TMEM178B: variants seen among roughly 807,000 people sequenced by gnomAD.
The protein encoded by TMEM178B is transmembrane protein 178B.
A neutral mutation model predicts 31.0 loss-of-function variants in TMEM178B; 5 were observed. The ratio of observed to expected loss-of-function variants is 0.16; its 90% CI spans 0.08 to 0.34. TMEM178B has a LOEUF of 0.34. Ranked by LOEUF, TMEM178B falls within the 10% of genes least tolerant of loss-of-function variation. The probability of loss-of-function intolerance (pLI) is 1.00; values close to 1 mark genes in which losing one functional copy is unlikely to be tolerated. For synonymous variants in TMEM178B, 164 were observed against 164.0 expected (o/e 1.00, Z 0.00); for missense variants, 275 against 400.3 (o/e 0.69, Z 2.67).
the TMEM178B span, among the ~76,000 whole-genome samples, chr7:141,486,197 A>G: frequency 6.6e-6 from 1 of 152,196 alleles, no homozygotes; most frequent in Non-Finnish European, 1.5e-5. Context: ...GAGTTAAATA[A>G]TGTGTACACA....
At chr7:141,187,487 T>G (rs1375847382) in intron 1 of TMEM178B, among the ~76,000 whole-genome samples, 2 of 152,162 alleles carry the variant, frequency 1.3e-5, no homozygotes, top group Admixed American at 6.6e-5. Context: ...AAATGGTATT[T>G]CTAGTTCTAG....
chr7:141,292,931 C>T (rs1260310648), intron 2 of TMEM178B, among the ~76,000 whole-genome samples: 3 of 152,112 alleles, frequency 2.0e-5, no homozygotes, highest in Non-Finnish European at 4.4e-5. Flanking sequence ...AGCCACCGCA[C>T]CCGGCCAGAT....
chr7:141,377,672 TA>T (rs1001250115), intron 2 of TMEM178B, among the ~76,000 whole-genome samples: 1 of 151,298 alleles, frequency 6.6e-6, no homozygotes, highest in Non-Finnish European at 1.5e-5. Context: ...AACTCCATCT[TA>T]AAAAAAGAAA....
chr7:141,212,680 C>T lies in TMEM178B; in HGVS notation c.472C>T (p.Arg158Cys), dbSNP rs1160173398. The change falls in exon 2 of 4, where the codon CGT becomes TGT. Residue 158 changes from arginine to cysteine, a missense_variant. Arg to Cys is a radical substitution (Grantham distance 180). Coordinates refer to ENST00000565468, the MANE Select transcript of TMEM178B (RefSeq NM_001195278.2). The part of the protein sequence containing the change: ...NLTFNITKTI[R>C]QDEWHALHLR... ...CACTTTCAATATCACGAAGACCATC[C>T]GTCAGGATGAGTGGCATGCCCTACG... The T allele has an allele frequency of 8.5e-6, 13 of 1,535,956 alleles. No homozygotes were observed. The highest frequency in any genetic ancestry group is 1.4e-5 in the African/African-American group (1 of 73,006).
intron 2 of TMEM178B, among the ~76,000 whole-genome samples, chr7:141,306,380 T>G (rs1299430025): frequency 2.0e-5 from 3 of 152,178 alleles, no homozygotes; most frequent in Admixed American, 1.3e-4. Context: ...TGTGGCTGTG[T>G]TAATAATGCA....
intron 2 of TMEM178B, among the ~76,000 whole-genome samples, chr7:141,347,916 C>T (rs550543009): frequency 1.2e-3 from 179 of 152,298 alleles, no homozygotes; most frequent in African/African-American, 4.2e-3. Flanking sequence ...CAGTAGTTAC[C>T]TAGGAGAGAT....
intron 2 of TMEM178B, among the ~76,000 whole-genome samples, chr7:141,303,245 T>C (rs6948396): frequency 0.41 from 62,800 of 151,900 alleles, 13,328 homozygotes; most frequent in East Asian, 0.62. Flanking sequence ...TTCTGTGGGA[T>C]TGGAAATGTG....
the TMEM178B span, among the ~76,000 whole-genome samples, chr7:141,501,847 GCTCTCTCTCTCTCT>G: frequency 6.7e-6 from 1 of 148,760 alleles, no homozygotes; most frequent in Admixed American, 6.7e-5. Context: ...AGTCTCTCAT[GCTCTCTCTCTCTCT>G]CTCTCTCTCT....
chr7:141,113,556 C>T (rs1353570873), intron 1 of TMEM178B, among the ~76,000 whole-genome samples: 1 of 152,090 alleles, frequency 6.6e-6, no homozygotes, highest in Non-Finnish European at 1.5e-5. Context: ...AATGACCACC[C>T]ACCTCAACAC....
intron 1 of TMEM178B, among the ~76,000 whole-genome samples, chr7:141,113,490 T>C (rs1015224631): frequency 8.5e-5 from 13 of 152,170 alleles, no homozygotes; most frequent in African/African-American, 3.1e-4. Flanking sequence ...ACCCTTTTCC[T>C]TCCTATTCTC....
chr7:141,393,603 G>A (rs974262285), intron 2 of TMEM178B, among the ~76,000 whole-genome samples: 1 of 152,188 alleles, frequency 6.6e-6, no homozygotes, highest in African/African-American at 2.4e-5. Context: ...GACTTAGTGG[G>A]TATACCAGCA....
chr7:141,076,012 A>T (rs920098690), intron 1 of TMEM178B, among the ~76,000 whole-genome samples: 1 of 150,500 alleles, frequency 6.6e-6, no homozygotes, highest in Non-Finnish European at 1.5e-5. Flanking sequence ...GACAGAATCT[A>T]TCTGTTTGTT....
chr7:141,084,948 G>A (rs1234545014), intron 1 of TMEM178B, among the ~76,000 whole-genome samples: 2 of 151,824 alleles, frequency 1.3e-5, no homozygotes, highest in African/African-American at 2.4e-5. Context: ...GCACGATCTC[G>A]GCTCATCGCA....
At chr7:141,113,945 A>G (rs763239043) in intron 1 of TMEM178B, among the ~76,000 whole-genome samples, 1 of 152,180 alleles carries the variant, frequency 6.6e-6, no homozygotes, top group African/African-American at 2.4e-5. Context: ...CTATATAGAA[A>G]TCTAACATAG....
At chr7:141,379,377 C>T (rs965914797) in intron 2 of TMEM178B, among the ~76,000 whole-genome samples, 2 of 151,966 alleles carry the variant, frequency 1.3e-5, no homozygotes, top group East Asian at 1.9e-4. Flanking sequence ...CTCAGCTACT[C>T]GGAAGGCTGA....
intron 2 of TMEM178B, among the ~76,000 whole-genome samples, chr7:141,356,103 T>A (rs1003173244): frequency 6.6e-6 from 1 of 152,244 alleles, no homozygotes; most frequent in African/African-American, 2.4e-5. Context: ...TTTCATTTTC[T>A]TTTTCCAATC....
At chr7:141,458,154 C>T (rs1801999041) in intron 3 of TMEM178B, among the ~76,000 whole-genome samples, 3 of 152,324 alleles carry the variant, frequency 2.0e-5, no homozygotes, top group Non-Finnish European at 2.9e-5. Context: ...AAATCTCACT[C>T]TGTAGCCCAG....
At chr7:141,308,006 G>A (rs1466302240) in intron 2 of TMEM178B, among the ~76,000 whole-genome samples, 1 of 152,196 alleles carries the variant, frequency 6.6e-6, no homozygotes, top group Non-Finnish European at 1.5e-5. Context: ...TAGAGCAGAT[G>A]TTTTGTATAA....
intron 2 of TMEM178B, among the ~76,000 whole-genome samples, chr7:141,234,575 C>T (rs1235486563): frequency 6.6e-6 from 1 of 152,154 alleles, no homozygotes; most frequent in African/African-American, 2.4e-5. Context: ...GGTGGTGAGT[C>T]AGCTTTTCCA....
Sources: allele counts gnomAD v4.1 joint callset (sites outside exome capture counted in the v4.1 genomes callset), GRCh38; gene constraint gnomAD v4.1.1; transcripts MANE v1.5; gene names NCBI Gene and HGNC (gene_info 2026-07-23, HGNC 2026-07-21).